NSD1: variants seen among roughly 807,000 people sequenced by gnomAD.
NSD1 encodes nuclear receptor binding SET domain protein 1, also known as histone-lysine N-methyltransferase, H3 lysine-36 specific.
Under a neutral mutation model 242.7 loss-of-function variants are expected in NSD1, and 26 were observed. The ratio of observed to expected loss-of-function variants is 0.11; its 90% CI spans 0.08 to 0.15. The LOEUF (loss-of-function observed/expected upper bound fraction) is 0.15, where lower values mean the gene tolerates loss of function less well. NSD1 is among the 10% of genes least tolerant of loss of function. NSD1 has a pLI of 1.00. For synonymous variants in NSD1, 1,106 were observed against 1,178.1 expected (o/e 0.94, Z 1.25); for missense variants, 2,495 against 3,272.8 (o/e 0.76, Z 5.80).
At chr5:177,293,313 A>G (rs540645721) in intron 22 of NSD1, among the ~76,000 whole-genome samples, 4 of 152,286 alleles carry the variant, frequency 2.6e-5, no homozygotes, top group African/African-American at 9.6e-5. Context: ...TGCTGTGCTG[A>G]TCTCAAGACT....
At chr5:177,208,724 T>C (rs527300709) in intron 4 of NSD1, among the ~76,000 whole-genome samples, 1 of 150,778 alleles carries the variant, frequency 6.6e-6, no homozygotes, top group South Asian at 2.1e-4. Context: ...AATTAATTAA[T>C]TTTTTGAGAT....
At position 177,204,236 on chromosome 5, in the gene NSD1, G is replaced by A. The variant is rs2149836305; in HGVS notation, c.1180G>A (p.Glu394Lys). 2 of 1,614,130 alleles carry A rather than the reference G, an allele frequency of 1.2e-6. No individual in the cohort carries two copies. Among genetic ancestry groups the A allele is most frequent in the African/African-American group, 2.7e-5 (2 of 75,040 alleles). ...GTTTGAAGGCAGACATCAATTCGAA[G>A]AGCTACCTGTCCTTAGGAGAAGAGG... ...VMFEGRHQFE[E>K]LPVLRRRGKQ... is the part of the protein sequence containing the mutation. The change falls in exon 4 of 23, where the codon GAG becomes AAG. Residue 394 changes from glutamate (E) to lysine (K), a missense_variant. Physicochemically the swap from Glu to Lys is moderately conservative, Grantham distance 56. This residue lies in a region of NSD1 where 65 missense variants were observed against 136.2 expected (regional missense o/e 0.48). Transcript: ENST00000439151.
At chr5:177,132,883 T>C (rs1174437630), upstream of NSD1, 2 of 152,250 alleles carry the variant, frequency 1.3e-5, no homozygotes, top group Non-Finnish European at 2.9e-5. The surrounding 1 kb of genome is among the most constrained non-coding windows in gnomAD (Gnocchi z 7.5). Flanking sequence ...CCGTCTGCGC[T>C]GCTGTAGGGC....
chr5:177,223,000 A>T (rs1167510715), intron 5 of NSD1, among the ~76,000 whole-genome samples: 1 of 151,454 alleles, frequency 6.6e-6, no homozygotes, highest in Non-Finnish European at 1.5e-5. Flanking sequence ...TATTTTTTGT[A>T]TATGGTGTGA....
intron 14 of NSD1, chr5:177,266,352 C>G: frequency 1.4e-6 from 1 of 700,770 alleles, no homozygotes; most frequent in Non-Finnish European, 2.7e-6. Context: ...ATGCCGATGA[C>G]CTTGCGGGCC....
intron 14 of NSD1, chr5:177,265,573 G>C: frequency 8.4e-7 from 1 of 1,193,544 alleles, no homozygotes; most frequent in South Asian, 1.2e-5. Flanking sequence ...CCGGGCCTCA[G>C]CACATCCTGT....
intron 14 of NSD1, chr5:177,266,414 G>T: frequency 1.6e-6 from 1 of 634,144 alleles, no homozygotes; most frequent in Non-Finnish European, 3.0e-6. Context: ...CCCACATCCA[G>T]CACCACCTTG....
rs1447177807 is a variant in NSD1 at position 177,295,497 on chromosome 5, A to C, written c.*38A>C. 2.5e-6 allele frequency: 4 copies of C among 1,604,086 alleles called. No homozygotes were observed. The highest frequency in any genetic ancestry group is 3.4e-6 in the Non-Finnish European group (4 of 1,172,812). On this transcript the variant is annotated 3_prime_UTR_variant, in exon 23 of 23. Coordinates refer to ENST00000439151, the MANE Select transcript of NSD1 (RefSeq NM_022455.5). The surrounding 1 kb of genome is among the most constrained non-coding windows in gnomAD (Gnocchi z 4.3). ...TCACATGAACAAACAAGCTGCCCCCAGGGTACCATTTGGGGAGGGGAAATC... is the reference window on the plus strand; with the variant it reads ...TCACATGAACAAACAAGCTGCCCCCCGGGTACCATTTGGGGAGGGGAAATC...
At chr5:177,173,978 T>G (rs1759952314) in intron 2 of NSD1, among the ~76,000 whole-genome samples, 1 of 152,184 alleles carries the variant, frequency 6.6e-6, no homozygotes, top group African/African-American at 2.4e-5. Context: ...TCAACTTGCT[T>G]TGGTTAGTGG....
intron 5 of NSD1, among the ~76,000 whole-genome samples, chr5:177,222,100 C>T (rs1201731693): frequency 2.0e-5 from 3 of 151,810 alleles, no homozygotes; most frequent in South Asian, 2.1e-4. Context: ...CGTGAGCCAT[C>T]GCACCCGGCC....
At chr5:177,155,939 A>G (rs549018894) in intron 2 of NSD1, among the ~76,000 whole-genome samples, 1 of 152,012 alleles carries the variant, frequency 6.6e-6, no homozygotes, top group Admixed American at 6.6e-5. Context: ...TCCTGACCTC[A>G]GGTGATATGC....
chr5:177,193,643 A>G (rs1397836585), intron 3 of NSD1, among the ~76,000 whole-genome samples: 1 of 152,020 alleles, frequency 6.6e-6, no homozygotes, highest in Non-Finnish European at 1.5e-5. Context: ...GTTTTAATAT[A>G]TGTATTTTAG....
At chr5:177,170,055 C>T (rs1759557470) in intron 2 of NSD1, among the ~76,000 whole-genome samples, 1 of 151,922 alleles carries the variant, frequency 6.6e-6, no homozygotes, top group Non-Finnish European at 1.5e-5. Context: ...CTGCAAGCTC[C>T]ACATCTCGGG....
chr5:177,142,076 C>T (rs932557543), intron 2 of NSD1, among the ~76,000 whole-genome samples: 1 of 152,190 alleles, frequency 6.6e-6, no homozygotes, highest in Admixed American at 6.5e-5. Context: ...TCAAGTGATA[C>T]GCCTGCCTCT....
intron 12 of NSD1, among the ~76,000 whole-genome samples, chr5:177,253,885 G>A (rs1374318158): frequency 3.3e-5 from 5 of 152,094 alleles, no homozygotes; most frequent in Admixed American, 1.3e-4. Context: ...AGTCCTCCTC[G>A]TTCAGCCTCT....
In NSD1 at chr5:177,183,636, C is replaced by T. The variant is rs538945408; in HGVS notation, c.928-8248C>T. On this transcript the variant is annotated intron_variant, in intron 2 of 22. Transcript: ENST00000439151. ...CCTTTGTGTTACAATCTAATTATACCCTTTTTCTTATTTTAAAATATACAG... is the reference window on the plus strand; with the variant it reads ...CCTTTGTGTTACAATCTAATTATACTCTTTTTCTTATTTTAAAATATACAG... Among the ~76,000 whole-genome samples, 23 of 152,084 alleles carry T rather than the reference C, an allele frequency of 1.5e-4. 1 individual carries two copies. In the South Asian group the frequency reaches 4.8e-3, roughly 32 times the overall value.
At chr5:177,278,320 G>A (rs763577211) in intron 17 of NSD1, among the ~76,000 whole-genome samples, 5 of 152,120 alleles carry the variant, frequency 3.3e-5, no homozygotes, top group Non-Finnish European at 7.3e-5. Flanking sequence ...GTGTTGCCTG[G>A]TCTGGTCTTG....
intron 2 of NSD1, among the ~76,000 whole-genome samples, chr5:177,161,165 C>G (rs908715440): frequency 1.3e-5 from 2 of 152,064 alleles, no homozygotes; most frequent in Non-Finnish European, 2.9e-5. Flanking sequence ...GGGAGTCTAG[C>G]TTGAGCCCAG....
At chr5:177,258,543 T>G (rs1269041717) in intron 13 of NSD1, among the ~76,000 whole-genome samples, 25 of 150,478 alleles carry the variant, frequency 1.7e-4, no homozygotes, top group Non-Finnish European at 4.4e-5. Context: ...TTGTTGTTGT[T>G]TTTTTTTTTG....
Sources: gnomAD v4.1 joint callset for allele counts (sites outside exome capture counted in the v4.1 genomes callset) on GRCh38, gnomAD v4.1.1 for gene constraint, gnomAD v4.1.1 regional missense constraint, Gnocchi (gnomAD v3.1) non-coding constraint, MANE v1.5 for transcripts, NCBI Gene and HGNC (gene_info 2026-07-23, HGNC 2026-07-21) for gene names.